RSBN1L: variants seen among roughly 807,000 people sequenced by gnomAD.
RSBN1L encodes lysine-specific demethylase RSBN1L.
In RSBN1L, 30 loss-of-function variants were observed where a neutral mutation model predicts 67.7. That is an observed-to-expected ratio of 0.44 (90% CI 0.33 to 0.60). The LOEUF (loss-of-function observed/expected upper bound fraction) is 0.60. Ranked by LOEUF, RSBN1L falls within the 20% of genes least tolerant of loss-of-function variation. RSBN1L has a pLI of 0.02. For synonymous variants in RSBN1L, 433 were observed against 387.0 expected (o/e 1.12, Z -1.39); for missense variants, 992 against 1,031.7 (o/e 0.96, Z 0.53).
intron 3 of RSBN1L, among the ~76,000 whole-genome samples, chr7:77,753,956 A>G (rs1791586160): frequency 6.6e-6 from 1 of 152,160 alleles, no homozygotes; most frequent in South Asian, 2.1e-4. Context: ...CCAGCTAATC[A>G]TATGTGTGTG....
chr7:77,715,640 G>GTGGCC (rs1453359144), intron 1 of RSBN1L, among the ~76,000 whole-genome samples: 1 of 152,144 alleles, frequency 6.6e-6, no homozygotes, highest in African/African-American at 2.4e-5. Flanking sequence ...TTAAGTGTAA[G>GTGGCC]TGGCCTGTTA....
intron 4 of RSBN1L, among the ~76,000 whole-genome samples, chr7:77,767,318 A>C (rs1033808714): frequency 6.6e-6 from 1 of 151,288 alleles, no homozygotes; most frequent in African/African-American, 2.4e-5. Flanking sequence ...TTTGTTCTCA[A>C]CATTCCATGG....
chr7:77,781,272 A>G lies in RSBN1L; in HGVS notation c.*2104A>G, dbSNP rs1791994251. ...AGGGAAGGTATAAATCAAGATAGTAAGGGTTTTGTTTTATATGTCATTGTC... is the reference window on the plus strand; with the variant it reads ...AGGGAAGGTATAAATCAAGATAGTAGGGGTTTTGTTTTATATGTCATTGTC... On this transcript the variant is annotated 3_prime_UTR_variant, in exon 8 of 8. Transcript: ENST00000334955. The G allele has an allele frequency of 6.6e-6, 1 of 152,190 alleles. No homozygotes were observed. The highest frequency in any genetic ancestry group is 2.4e-5 in the African/African-American group (1 of 41,446). 9.4% of individuals were successfully genotyped at this position (152,190 alleles called of 1,614,324 possible).
At chr7:77,744,501 C>T (rs1197129474) in intron 2 of RSBN1L, among the ~76,000 whole-genome samples, 2 of 151,814 alleles carry the variant, frequency 1.3e-5, no homozygotes, top group Non-Finnish European at 2.9e-5. Context: ...GAGGGGGAGA[C>T]GTCTCACTCT....
At chr7:77,761,383 G>A (rs1791695337) in intron 3 of RSBN1L, among the ~76,000 whole-genome samples, 1 of 152,152 alleles carries the variant, frequency 6.6e-6, no homozygotes, top group Non-Finnish European at 1.5e-5. Flanking sequence ...GACATTTACT[G>A]TGATTATTTA....
chr7:77,777,414 G>A (rs1791932279), intron 6 of RSBN1L, among the ~76,000 whole-genome samples: 1 of 150,896 alleles, frequency 6.6e-6, no homozygotes, highest in Admixed American at 6.6e-5. Context: ...AGCAGTCTTT[G>A]TTATGCTGTT....
chr7:77,721,306 T>A (rs1791116576), intron 1 of RSBN1L, among the ~76,000 whole-genome samples: 1 of 152,190 alleles, frequency 6.6e-6, no homozygotes, highest in African/African-American at 2.4e-5. Context: ...TCCTTCTTTT[T>A]ACTTAAATCT....
intron 1 of RSBN1L, among the ~76,000 whole-genome samples, chr7:77,704,782 T>A (rs1790865458): frequency 6.6e-6 from 1 of 151,988 alleles, no homozygotes; most frequent in South Asian, 2.1e-4. Context: ...AGTTCGAGAC[T>A]AGCCTGGCCA....
intron 1 of RSBN1L, among the ~76,000 whole-genome samples, chr7:77,703,539 G>T (rs1436305574): frequency 7.8e-6 from 1 of 128,720 alleles, no homozygotes; most frequent in Non-Finnish European, 1.6e-5. Flanking sequence ...ACCCAGGCTG[G>T]AGTGCAGTGG....
rs201420980 is a variant in RSBN1L, at chr7:77,768,672, A to G, written c.1494A>G (p.Pro498=). 5 of 1,613,720 alleles carry G rather than the reference A, an allele frequency of 3.1e-6. No individual in the cohort carries two copies. Among genetic ancestry groups the G allele is most frequent in the Non-Finnish European group, 4.2e-6 (5 of 1,179,596 alleles). The part of the protein sequence containing the change: ...EESPFLKCTL[P]WGTLSSLKLQ... ...TTATTTATCTCCAGTGTACACTGCC[A>G]TGGGGGACGCTATCTAGTCTAAAAT... Residue 498 remains proline, a synonymous_variant, in exon 5 of 8, where the codon CCA becomes CCG. Transcript: ENST00000334955.
At chr7:77,704,277 CATT>C (rs1790859375) in intron 1 of RSBN1L, among the ~76,000 whole-genome samples, 1 of 152,128 alleles carries the variant, frequency 6.6e-6, no homozygotes, top group Non-Finnish European at 1.5e-5. Flanking sequence ...TAATAAATCT[CATT>C]AATTTTTCAC....
intron 3 of RSBN1L, among the ~76,000 whole-genome samples, chr7:77,751,003 C>T (rs1432699286): frequency 6.6e-6 from 1 of 152,046 alleles, no homozygotes; most frequent in African/African-American, 2.4e-5. Context: ...TGAATATGTT[C>T]CTTTTTGGAT....
intron 1 of RSBN1L, among the ~76,000 whole-genome samples, chr7:77,703,372 A>G (rs1381840696): frequency 1.3e-5 from 2 of 150,036 alleles, no homozygotes; most frequent in Non-Finnish European, 2.9e-5. Flanking sequence ...CCATTCTACC[A>G]TCAGCTTTTT....
chr7:77,696,746 G>C lies in RSBN1L; in HGVS notation c.277G>C (p.Ala93Pro). ...PASWSFAPLS[A>P]APSPSSSRSS... is the part of the protein sequence containing the mutation. ...GTCTTGGAGCTTTGCCCCTCTGTCT[G>C]CTGCTCCCTCCCCGTCCTCTTCTCG... is the stretch of plus-strand genomic sequence containing the variant. The change falls in exon 1 of 8, where the codon GCT (alanine) becomes CCT (proline). Residue 93 changes from alanine to proline, a missense_variant. Transcript: ENST00000334955. The C allele has an allele frequency of 1.2e-6, 2 of 1,613,778 alleles. No individual in the cohort carries two copies. The highest frequency in any genetic ancestry group is 1.7e-4 in the Middle Eastern group (1 of 6,056).
chr7:77,717,493 G>A (rs1791063897), intron 1 of RSBN1L, among the ~76,000 whole-genome samples: 1 of 152,084 alleles, frequency 6.6e-6, no homozygotes, highest in African/African-American at 2.4e-5. Flanking sequence ...AATACTTTGT[G>A]GTACTTCAAG....
intron 1 of RSBN1L, among the ~76,000 whole-genome samples, chr7:77,734,333 GATTAA>G (rs910207975): frequency 7.2e-5 from 11 of 152,012 alleles, no homozygotes; most frequent in Non-Finnish European, 1.5e-4. Context: ...AAGTTGATAA[GATTAA>G]ATTGAATTAT....
At chr7:77,698,818 AC>A (rs1370163346) in intron 1 of RSBN1L, among the ~76,000 whole-genome samples, 1 of 152,026 alleles carries the variant, frequency 6.6e-6, no homozygotes, top group Non-Finnish European at 1.5e-5. Flanking sequence ...ATTTTTTCAG[AC>A]ACAAATGCTA....
At chr7:77,739,733 A>AAAG (rs1791383241) in intron 2 of RSBN1L, among the ~76,000 whole-genome samples, 1 of 102,162 alleles carries the variant, frequency 9.8e-6, no homozygotes, top group Non-Finnish European at 1.9e-5. Flanking sequence ...AAAAAAAAAA[A>AAAG]TGTGTCTTTT....
chr7:77,736,707 T>C (rs1007876807), intron 2 of RSBN1L, among the ~76,000 whole-genome samples, 181 bp downstream of exon 2: 3 of 152,192 alleles, frequency 2.0e-5, no homozygotes, highest in Non-Finnish European at 4.4e-5. Flanking sequence ...ACATGTCTTA[T>C]AGTATATTTA....
Sources: gnomAD v4.1 joint callset for allele counts (sites outside exome capture counted in the v4.1 genomes callset) on GRCh38, gnomAD v4.1.1 for gene constraint, MANE v1.5 for transcripts, NCBI Gene and HGNC (gene_info 2026-07-23, HGNC 2026-07-21) for gene names.